Variants in BABAM2 observed in about 807,000 individuals in gnomAD.
The protein encoded by BABAM2 is BRISC and BRCA1-A complex member 2.
A neutral mutation model predicts 54.7 loss-of-function variants in BABAM2; 31 were observed. The observed-to-expected ratio is 0.57, with a 90% CI of 0.43 to 0.77. BABAM2 has a LOEUF of 0.77. Ranked by LOEUF, BABAM2 falls within the 30% of genes least tolerant of loss-of-function variation. The pLI is 0.00. For synonymous variants in BABAM2, 167 were observed against 162.9 expected, an observed-to-expected ratio of 1.03 and a Z score of -0.19; for missense variants, 364 against 455.8, an observed-to-expected ratio of 0.80 and a Z score of 1.83.
chr2:28,168,081 A>G (rs970957849), intron 7 of BABAM2, among the ~76,000 whole-genome samples: 4 of 152,174 alleles, frequency 2.6e-5, no homozygotes, highest in African/African-American at 9.6e-5. Context: ...TTCCTCATCC[A>G]AGGGCTTTTT....
At chr2:28,258,610 C>CTTTCCTTT (rs1684178107) in intron 10 of BABAM2, among the ~76,000 whole-genome samples, 1 of 26,276 alleles carries the variant, frequency 3.8e-5, no homozygotes, top group Admixed American at 5.9e-4. Flanking sequence ...TTTCTTTTTT[C>CTTTCCTTT]TTTTCTTTTT....
At chr2:28,025,728 C>T (rs1675606299) in intron 5 of BABAM2, among the ~76,000 whole-genome samples, 1 of 152,182 alleles carries the variant, frequency 6.6e-6, no homozygotes, top group African/African-American at 2.4e-5. Context: ...ATGTATGTGG[C>T]TTGCAGGCCA....
At chr2:28,221,818 C>T (rs1373029648) in intron 7 of BABAM2, among the ~76,000 whole-genome samples, 1 of 152,172 alleles carries the variant, frequency 6.6e-6, no homozygotes, top group African/African-American at 2.4e-5. Context: ...ATCTCTGTTT[C>T]AAGTCTAGAG....
intron 7 of BABAM2, among the ~76,000 whole-genome samples, chr2:28,200,521 G>A (rs1395403618): frequency 6.6e-6 from 1 of 152,186 alleles, no homozygotes; most frequent in African/African-American, 2.4e-5. Flanking sequence ...AGCCAGAGGG[G>A]TAAAGTGCAT....
chr2:28,068,023 G>A (rs1663774281), intron 6 of BABAM2, among the ~76,000 whole-genome samples: 1 of 151,450 alleles, frequency 6.6e-6, no homozygotes, highest in Admixed American at 6.6e-5. Flanking sequence ...CATTATTTGA[G>A]TGGACCTCGC....
At chr2:27,979,716 T>C (rs1671868517) in intron 3 of BABAM2, among the ~76,000 whole-genome samples, 1 of 152,174 alleles carries the variant, frequency 6.6e-6, no homozygotes, top group South Asian at 2.1e-4. Flanking sequence ...TGATTAGTGA[T>C]TGTATTAGTT....
intron 7 of BABAM2, among the ~76,000 whole-genome samples, chr2:28,143,144 A>ATT (rs1553327308): frequency 4.0e-5 from 6 of 149,892 alleles, no homozygotes; most frequent in Non-Finnish European, 7.4e-5. Flanking sequence ...TGGATAAAGA[A>ATT]ATATATATAT....
intron 3 of BABAM2, among the ~76,000 whole-genome samples, chr2:27,936,052 G>A (rs1209557545): frequency 1.3e-5 from 2 of 152,034 alleles, no homozygotes; most frequent in African/African-American, 4.8e-5. Context: ...CTAAGTAGCT[G>A]GGATTACAGG....
At chr2:28,041,132 A>T (rs1302802418) in intron 5 of BABAM2, among the ~76,000 whole-genome samples, 1 of 152,228 alleles carries the variant, frequency 6.6e-6, no homozygotes. Context: ...TATGTACAAG[A>T]GTTATTTTAA....
chr2:28,114,404 G>A (rs139082732), intron 6 of BABAM2, among the ~76,000 whole-genome samples: 5 of 151,898 alleles, frequency 3.3e-5, no homozygotes, highest in African/African-American at 4.8e-5. Flanking sequence ...ATTCATTCTC[G>A]GTATATAGAA....
chr2:27,974,909 T>C (rs180730464), intron 3 of BABAM2, among the ~76,000 whole-genome samples: 48 of 152,184 alleles, frequency 3.2e-4, no homozygotes, highest in Admixed American at 9.8e-4. Flanking sequence ...AAGATCAGCA[T>C]AGGAAAATCA....
At chr2:27,893,929 G>A (rs1665068249) in intron 1 of BABAM2, among the ~76,000 whole-genome samples, 1 of 145,886 alleles carries the variant, frequency 6.9e-6, no homozygotes, top group Non-Finnish European at 1.5e-5. Context: ...GGGAGGTGGA[G>A]TTTGCAGTGA....
intron 10 of BABAM2, among the ~76,000 whole-genome samples, chr2:28,291,665 G>A (rs1461406316): frequency 1.3e-5 from 2 of 152,104 alleles, no homozygotes; most frequent in Non-Finnish European, 2.9e-5. Context: ...CCAGTGAAAA[G>A]TAGAACACAT....
At chr2:28,231,625 A>T (rs558289502) in intron 7 of BABAM2, among the ~76,000 whole-genome samples, 1 of 152,150 alleles carries the variant, frequency 6.6e-6, no homozygotes, top group African/African-American at 2.4e-5. Flanking sequence ...CAAAAGCAGG[A>T]TGCTAAGGCT....
chr2:27,984,722 G>C (rs969863165), intron 3 of BABAM2, among the ~76,000 whole-genome samples: 3 of 151,176 alleles, frequency 2.0e-5, no homozygotes, highest in Non-Finnish European at 2.9e-5. Context: ...GTAGGTTTTT[G>C]GGGAACAGGT....
Position 28,181,063 on chromosome 2 carries a change from A to G in BABAM2, c.680+51683A>G, listed in dbSNP as rs543981551. ...GAAAACAGTATGGAGGTTTCTTGCA[A>G]AACTGGAAATAGAACTTCCACGTGA... On this transcript the variant is annotated intron_variant, in intron 7 of 11. Coordinates refer to ENST00000379624, the MANE Select transcript of BABAM2 (RefSeq NM_199191.3). 9.8e-5 allele frequency among the ~76,000 whole-genome samples: 15 copies of G among 152,342 alleles called. No homozygotes were observed. The East Asian group carries it at 2.7e-3, about 27-fold the overall frequency.
rs1424254718 is a variant in BABAM2, at chr2:28,119,257, T to C, written c.571-10014T>C. Among the ~76,000 whole-genome samples the C allele has an allele frequency of 3.3e-5, 5 of 152,184 alleles. No individual in the cohort carries two copies. The South Asian group carries it at 8.3e-4, about 25-fold the overall frequency. The stretch of plus-strand genomic sequence containing the variant: ...CTTATCAAATGTATTAAGAGCACAC[T>C]TAGGGCAGTAGGGGAAACTCCACAC... On this transcript the variant is annotated intron_variant, in intron 6 of 11. Coordinates refer to ENST00000379624, the MANE Select transcript of BABAM2 (RefSeq NM_199191.3).
At chr2:27,924,477 T>G (rs189239320) in intron 2 of BABAM2, among the ~76,000 whole-genome samples, 8 of 152,192 alleles carry the variant, frequency 5.3e-5, no homozygotes, top group South Asian at 4.1e-4. Flanking sequence ...CTCTGTATCT[T>G]GGGCTCAAGC....
chr2:28,320,254 T>C (rs1440869791), intron 11 of BABAM2, among the ~76,000 whole-genome samples: 1 of 152,220 alleles, frequency 6.6e-6, no homozygotes, highest in Non-Finnish European at 1.5e-5. Flanking sequence ...GTCCCCTTAC[T>C]TGGTTTTAAG....
Sources: allele counts gnomAD v4.1 joint callset (sites outside exome capture counted in the v4.1 genomes callset), GRCh38; gene constraint gnomAD v4.1.1; transcripts MANE v1.5; gene names NCBI Gene and HGNC (gene_info 2026-07-23, HGNC 2026-07-21).